KIF5C: variants seen among roughly 807,000 people sequenced by gnomAD.
The protein encoded by KIF5C is kinesin family member 5C.
KIF5C carries 18 observed loss-of-function variants against 125.2 expected under a neutral mutation model. The ratio of observed to expected loss-of-function variants is 0.14; its 90% CI spans 0.10 to 0.21. The LOEUF (loss-of-function observed/expected upper bound fraction) is 0.21. KIF5C is among the 10% of genes least tolerant of loss of function. The pLI is 1.00. For synonymous variants in KIF5C, 405 were observed against 434.0 expected (o/e 0.93, Z 0.83); for missense variants, 780 against 1,183.8 (o/e 0.66, Z 5.01).
chr2:148,875,569 G>GCCCCCGGGCCCCCCCCCCAC lies in KIF5C; in HGVS notation c.-45_-44insCGGGCCCCCCCCCCACCCCC. On this transcript the variant is annotated 5_prime_UTR_variant, in exon 1 of 26. Coordinates refer to ENST00000435030, the MANE Select transcript of KIF5C (RefSeq NM_004522.3). Reference sequence around the variant, plus strand: ...GCGGCCTCCTCCCTCGTCGTTCCCGGCCCCGGCCCCCCACCCATCCCCGTG... The same window carrying GCCCCCGGGCCCCCCCCCCAC: ...GCGGCCTCCTCCCTCGTCGTTCCCGGCCCCCGGGCCCCCCCCCCACCCCCGGCCCCCCACCCATCCCCGTG... 1.4e-6 allele frequency: 1 copy of GCCCCCGGGCCCCCCCCCCAC among 689,864 alleles called. No homozygotes were observed. The highest frequency in any genetic ancestry group is 2.6e-6 in the Non-Finnish European group (1 of 380,192). 42.7% of individuals were successfully genotyped at this position (689,864 alleles called of 1,614,324 possible).
intron 1 of KIF5C, among the ~76,000 whole-genome samples, chr2:148,919,039 G>A (rs1681675590): frequency 6.6e-6 from 1 of 152,172 alleles, no homozygotes; most frequent in Non-Finnish European, 1.5e-5. Flanking sequence ...GTGATTGGTG[G>A]TATAGTTCTT....
Position 148,875,564 on chromosome 2 carries a change from T to TG in KIF5C, c.-54_-53insG. The TG allele has an allele frequency of 4.0e-5, 40 of 999,282 alleles. No homozygotes were observed. Among genetic ancestry groups the TG allele is most frequent in the East Asian group, 1.1e-4 (4 of 36,836 alleles). The allele number at this position is 999,282 out of a possible 1,614,324, so 61.9% of individuals were successfully genotyped here. ...AGCTCGCGGCCTCCTCCCTCGTCGT[T>TG]CCCGGCCCCGGCCCCCCACCCATCC... On this transcript the variant is annotated 5_prime_UTR_variant, in exon 1 of 26. Transcript: ENST00000435030.
intron 10 of KIF5C, among the ~76,000 whole-genome samples, chr2:148,956,644 G>T (rs983397171): frequency 1.3e-5 from 2 of 152,164 alleles, no homozygotes; most frequent in Non-Finnish European, 2.9e-5. Flanking sequence ...CCTGATAATG[G>T]CATCCTCACA....
At chr2:148,902,973 A>G (rs1680963322) in intron 1 of KIF5C, among the ~76,000 whole-genome samples, 1 of 152,130 alleles carries the variant, frequency 6.6e-6, no homozygotes, top group South Asian at 2.1e-4. Context: ...TTCAACATTT[A>G]TGCACAGGCA....
In KIF5C at chr2:148,983,633, C is replaced by G. The variant is rs1681295497; in HGVS notation, c.1583C>G (p.Thr528Ser). ...TTTGTTTTTCAGACTACATTGACAA[C>G]CACACAGAGAGAGCTGAGCCAGCTA... is the stretch of plus-strand genomic sequence containing the variant. ...ELAQKTTTLT[T>S]TQRELSQLQE... is the part of the protein sequence containing the mutation. The change falls in exon 15 of 26, where the codon ACC becomes AGC. Residue 528 changes from threonine (T) to serine (S), a missense_variant. By Grantham distance (58) the Thr-to-Ser change is moderately conservative. This residue lies in a region of KIF5C where 573 missense variants were observed against 742.6 expected (regional missense o/e 0.77). Coordinates refer to ENST00000435030, the MANE Select transcript of KIF5C (RefSeq NM_004522.3). 1 of 1,585,390 alleles carries G rather than the reference C, an allele frequency of 6.3e-7. No individual in the cohort carries two copies. Among genetic ancestry groups the G allele is most frequent in the Non-Finnish European group, 8.6e-7 (1 of 1,164,512 alleles).
chr2:148,892,857 T>A (rs562907221), intron 1 of KIF5C, among the ~76,000 whole-genome samples: 45 of 152,364 alleles, frequency 3.0e-4, no homozygotes, highest in African/African-American at 9.4e-4. Flanking sequence ...TGCTAAACTG[T>A]CTTCTAAAAA....
chr2:149,011,636 G>C lies in KIF5C; in HGVS notation c.2834G>C (p.Gly945Ala). The change falls in exon 25 of 26, where the codon GGA (glycine) becomes GCA (alanine). Residue 945 changes from glycine (G) to alanine (A), a missense_variant. Around this residue, in one of 2 missense-constraint regions of KIF5C, gnomAD observed 573 missense variants for 742.6 expected, o/e 0.77. Transcript: ENST00000435030. Reference sequence around the variant, plus strand: ...ACGGCCGTCCATGCCATTCGAGGGGGAGGAGGCAGCTCTTCAAATTCCACT... The same window carrying C: ...ACGGCCGTCCATGCCATTCGAGGGGCAGGAGGCAGCTCTTCAAATTCCACT... The part of the protein sequence containing the change: ...SPTAVHAIRG[G>A]GGSSSNSTHY... 6.2e-7 allele frequency: 1 copy of C among 1,614,082 alleles called. No individual in the cohort carries two copies. Among genetic ancestry groups the C allele is most frequent in the Non-Finnish European group, 8.5e-7 (1 of 1,179,910 alleles).
intron 1 of KIF5C, among the ~76,000 whole-genome samples, chr2:148,904,879 G>C (rs1438241930): frequency 1.3e-5 from 2 of 152,188 alleles, no homozygotes; most frequent in African/African-American, 4.8e-5. Flanking sequence ...CATTGAATCA[G>C]GTAGTGGAAA....
At chr2:149,021,716 CTTTT>C (rs34201201) in intron 25 of KIF5C, among the ~76,000 whole-genome samples, 4 of 135,032 alleles carry the variant, frequency 3.0e-5, no homozygotes, top group African/African-American at 5.6e-5. Flanking sequence ...TTACAGAGGG[CTTTT>C]TTTTTTTTTT....
intron 1 of KIF5C, among the ~76,000 whole-genome samples, chr2:148,918,829 T>C (rs1162105500): frequency 1.3e-5 from 2 of 152,166 alleles, no homozygotes; most frequent in Non-Finnish European, 2.9e-5. Flanking sequence ...TAAGTGGAAA[T>C]TTGATAGTTA....
intron 15 of KIF5C, among the ~76,000 whole-genome samples, chr2:148,990,532 C>A (rs933024209): frequency 6.6e-6 from 1 of 152,164 alleles, no homozygotes; most frequent in Non-Finnish European, 1.5e-5. Flanking sequence ...TTTATAGAAA[C>A]ATATTCAAGG....
At position 148,979,476 on chromosome 2, in the gene KIF5C, G is replaced by T. The variant is rs576192261; in HGVS notation, c.1362+486G>T. ...ATATTTTGAGACAGAGTTTCTCTAT[G>T]TTGGTCAGGGTGATCTTGAACTCCC... On this transcript the variant is annotated intron_variant, in intron 13 of 25. Coordinates refer to ENST00000435030, the MANE Select transcript of KIF5C (RefSeq NM_004522.3). 3.9e-5 allele frequency among the ~76,000 whole-genome samples: 6 copies of T among 152,220 alleles called. No individual in the cohort carries two copies. In the East Asian group the frequency reaches 9.7e-4, roughly 24 times the overall value.
At chr2:148,895,662 C>A (rs1276721500) in intron 1 of KIF5C, among the ~76,000 whole-genome samples, 1 of 152,150 alleles carries the variant, frequency 6.6e-6, no homozygotes, top group African/African-American at 2.4e-5. Context: ...TTTGCTTGAA[C>A]TGTCAAAACA....
At chr2:148,981,296 A>G (rs532072474) in intron 13 of KIF5C, 59 bp from the exon 14 acceptor site, 5 of 1,515,020 alleles carry the variant, frequency 3.3e-6, no homozygotes, top group Non-Finnish European at 4.4e-6. Flanking sequence ...TGGATACAGC[A>G]TAGAACATAA....
chr2:148,898,001 G>A lies in KIF5C; in HGVS notation c.126+22258G>A, dbSNP rs77423830. ...GGGAGAGGTGGTGCTGGCTAGCAGA[G>A]AAAGCTCAGGGTTTGAGGGAGTGGA... On this transcript the variant is annotated intron_variant, in intron 1 of 25. Transcript: ENST00000435030. 1.1e-3 allele frequency among the ~76,000 whole-genome samples: 149 copies of A among 134,940 alleles called. No individual in the cohort carries two copies. The East Asian group carries it at 0.031, about 28-fold the overall frequency. 88.5% of individuals were successfully genotyped at this position (134,940 alleles called of 152,430 possible). A position where few individuals can be genotyped will look rare whatever the true frequency, so the allele number is the denominator to read the frequency against.
intron 24 of KIF5C, 38 bp downstream of exon 24, chr2:149,010,389 C>T (rs1313943319): frequency 2.7e-6 from 4 of 1,499,618 alleles, no homozygotes; most frequent in African/African-American, 1.4e-5. Context: ...GTTTGAGAAG[C>T]TACTGCGGCC....
intron 17 of KIF5C, 104 bp downstream of exon 17, chr2:148,994,642 C>A: frequency 7.5e-7 from 1 of 1,329,360 alleles, no homozygotes; most frequent in South Asian, 1.7e-5. Context: ...TAAAGCATTT[C>A]TAGGTCTACT....
At chr2:148,966,940 T>C (rs1462887413) in intron 11 of KIF5C, among the ~76,000 whole-genome samples, 1 of 152,192 alleles carries the variant, frequency 6.6e-6, no homozygotes, top group Non-Finnish European at 1.5e-5. Flanking sequence ...CCTCCAGAAC[T>C]GTAAGTAATA....
intron 3 of KIF5C, 103 bp downstream of exon 3, chr2:148,929,457 A>G: frequency 1.4e-6 from 1 of 694,028 alleles, no homozygotes. Flanking sequence ...ACTGGGAAAT[A>G]GAGACGGTTA....
Sources: gnomAD v4.1 joint callset for allele counts (sites outside exome capture counted in the v4.1 genomes callset) on GRCh38, gnomAD v4.1.1 for gene constraint, gnomAD v4.1.1 regional missense constraint, MANE v1.5 for transcripts, NCBI Gene and HGNC (gene_info 2026-07-23, HGNC 2026-07-21) for gene names.